Variants in MYT1L observed in about 807,000 individuals in gnomAD.
MYT1L encodes the protein myelin transcription factor 1 like.
MYT1L carries 12 observed loss-of-function variants against 126.7 expected under a neutral mutation model. The observed-to-expected ratio is 0.09, with a 90% CI of 0.06 to 0.15. MYT1L has a LOEUF of 0.15. Ranked by LOEUF, MYT1L falls within the 10% of genes least tolerant of loss-of-function variation. The pLI is 1.00. For missense variants in MYT1L, 979 were observed against 1,585.2 expected (o/e 0.62, Z 6.49); for synonymous variants, 541 against 604.2 (o/e 0.90, Z 1.53).
rs989887610 is a variant in MYT1L, at chr2:1,892,166, G to A, written c.2154C>T (p.Ser718=). 1.1e-5 allele frequency: 17 copies of A among 1,549,076 alleles called. No individual in the cohort carries two copies. The highest frequency in any genetic ancestry group is 3.3e-4 in the Middle Eastern group (2 of 6,010). The change falls in exon 15 of 25, where the codon AGC becomes AGT. Residue 718 remains serine (S), a synonymous_variant. Coordinates refer to ENST00000647738, the MANE Select transcript of MYT1L (RefSeq NM_001303052.2). The part of the protein sequence containing the change: ...GSSASSTCSK[S]SFDYTHDMEA... The stretch of plus-strand genomic sequence containing the variant: ...CCATGTCGTGCGTGTAGTCGAAGCT[G>A]CTCTTGCTGCACGTGCTGCTGGCGC...
At chr2:2,049,867 T>C (rs1329242496) in intron 4 of MYT1L, among the ~76,000 whole-genome samples, 2 of 152,180 alleles carry the variant, frequency 1.3e-5, no homozygotes, top group Admixed American at 6.5e-5. Context: ...GAACTGTGAG[T>C]CCATTAAACC....
chr2:2,156,939 C>T (rs559185909), intron 3 of MYT1L, among the ~76,000 whole-genome samples: 3 of 152,288 alleles, frequency 2.0e-5, no homozygotes, highest in East Asian at 3.9e-4. Flanking sequence ...GAAAACAAAG[C>T]TGTTTTTGTT....
At chr2:2,081,453 T>C (rs2075815755) in intron 3 of MYT1L, among the ~76,000 whole-genome samples, 1 of 152,222 alleles carries the variant, frequency 6.6e-6, no homozygotes, top group Admixed American at 6.5e-5. Flanking sequence ...GATATGACTA[T>C]TAAGGGACTC....
intron 4 of MYT1L, among the ~76,000 whole-genome samples, chr2:2,023,322 C>G (rs891053971): frequency 6.6e-6 from 1 of 152,202 alleles, no homozygotes; most frequent in Non-Finnish European, 1.5e-5. Context: ...CTCAGCTGTG[C>G]ACAGAATGTC....
chr2:1,861,005 GCACA>G (rs1392762572), intron 18 of MYT1L, among the ~76,000 whole-genome samples: 8 of 152,008 alleles, frequency 5.3e-5, no homozygotes, highest in African/African-American at 1.7e-4. Context: ...ACACACTTGT[GCACA>G]CACACTCACT....
chr2:1,854,901 G>A (rs2043715061), intron 18 of MYT1L, among the ~76,000 whole-genome samples: 1 of 152,158 alleles, frequency 6.6e-6, no homozygotes, highest in African/African-American at 2.4e-5. Context: ...GTCCTCACTA[G>A]CGCCCAGAGC....
chr2:1,958,170 T>C lies in MYT1L; in HGVS notation c.153-14836A>G, dbSNP rs116938179. On this transcript the variant is annotated intron_variant, in intron 8 of 24. Transcript: ENST00000647738. Reference sequence around the variant, plus strand: ...GAAATGCAATATTGCTTCCTTCATGTCTGCGCAGAAAACTTGCTGAGGGAG... The same window carrying C: ...GAAATGCAATATTGCTTCCTTCATGCCTGCGCAGAAAACTTGCTGAGGGAG... Among the ~76,000 whole-genome samples the C allele has an allele frequency of 1.6e-3, 241 of 152,280 alleles. 5 individuals are homozygous for C. The East Asian group carries it at 0.032, about 20-fold the overall frequency.
At chr2:2,101,519 A>G (rs545282083) in intron 3 of MYT1L, among the ~76,000 whole-genome samples, 134 of 152,156 alleles carry the variant, frequency 8.8e-4, no homozygotes, top group African/African-American at 3.2e-3. Flanking sequence ...ACATCCATCT[A>G]TCCACTCAGC....
intron 2 of MYT1L, among the ~76,000 whole-genome samples, chr2:2,204,197 A>T (rs1294101073): frequency 6.6e-6 from 1 of 152,220 alleles, no homozygotes; most frequent in Non-Finnish European, 1.5e-5. Context: ...GGACATAGGC[A>T]TGGGCAAGGA....
intron 1 of MYT1L, among the ~76,000 whole-genome samples, chr2:2,313,699 T>C (rs991120231): frequency 6.6e-6 from 1 of 152,142 alleles, no homozygotes; most frequent in African/African-American, 2.4e-5. Context: ...GGTCTTCTCC[T>C]AAAAAATTTA....
intron 18 of MYT1L, among the ~76,000 whole-genome samples, chr2:1,868,113 T>C (rs2045834150): frequency 6.6e-6 from 1 of 152,050 alleles, no homozygotes; most frequent in Non-Finnish European, 1.5e-5. Flanking sequence ...ACTACAGGCG[T>C]GCACCACCAT....
rs560563001 is a variant in MYT1L, at chr2:1,911,073, G to A, written c.1710-726C>T. On this transcript the variant is annotated intron_variant, in intron 12 of 24. Coordinates refer to ENST00000647738, the MANE Select transcript of MYT1L (RefSeq NM_001303052.2). ...TATATGTGTCATATCCCAAAAATAC[G>A]CCTGTGCTGAGGTTTGACGGAGGCC... Among the ~76,000 whole-genome samples the A allele has an allele frequency of 1.8e-4, 28 of 152,200 alleles. No homozygotes were observed. In the South Asian group the frequency reaches 5.0e-3, roughly 27 times the overall value.
chr2:2,018,808 G>A (rs2064715653), intron 4 of MYT1L, among the ~76,000 whole-genome samples: 1 of 152,086 alleles, frequency 6.6e-6, no homozygotes, highest in Admixed American at 6.5e-5. Context: ...TGGGAAAGAG[G>A]CCCTGCAGTT....
intron 4 of MYT1L, among the ~76,000 whole-genome samples, chr2:2,010,388 G>T (rs2063714827): frequency 6.6e-6 from 1 of 152,112 alleles, no homozygotes; most frequent in Non-Finnish European, 1.5e-5. Context: ...GTTAAGTTCT[G>T]CTTGGCTATG....
At chr2:1,809,353 T>C (rs977678878) in intron 21 of MYT1L, among the ~76,000 whole-genome samples, 186 bp from the exon 22 acceptor site, 10 of 152,130 alleles carry the variant, frequency 6.6e-5, no homozygotes, top group Non-Finnish European at 1.3e-4. Context: ...ATGGGGTGCA[T>C]GTGTGTGCAC....
At chr2:1,999,313 C>T (rs1243383209) in intron 4 of MYT1L, among the ~76,000 whole-genome samples, 1 of 152,022 alleles carries the variant, frequency 6.6e-6, no homozygotes, top group Non-Finnish European at 1.5e-5. Context: ...TGAATGTGAC[C>T]AGTTAATTTG....
chr2:2,210,214 C>A (rs2093455927), intron 2 of MYT1L, among the ~76,000 whole-genome samples: 1 of 151,992 alleles, frequency 6.6e-6, no homozygotes, highest in Non-Finnish European at 1.5e-5. Context: ...GATAGGTTGA[C>A]TTTTTCCTTT....
intron 2 of MYT1L, among the ~76,000 whole-genome samples, chr2:2,247,722 A>T (rs1257110785): frequency 6.6e-6 from 1 of 152,192 alleles, no homozygotes; most frequent in Non-Finnish European, 1.5e-5. Context: ...ATTAACATGA[A>T]TAATTTTAGA....
chr2:2,122,658 T>C (rs1393459403), intron 3 of MYT1L, among the ~76,000 whole-genome samples: 1 of 152,208 alleles, frequency 6.6e-6, no homozygotes, highest in Non-Finnish European at 1.5e-5. Flanking sequence ...TCTTGGGCCA[T>C]GGGCAAAATT....
Sources: allele counts gnomAD v4.1 joint callset (sites outside exome capture counted in the v4.1 genomes callset), GRCh38; gene constraint gnomAD v4.1.1; transcripts MANE v1.5; gene names NCBI Gene and HGNC (gene_info 2026-07-23, HGNC 2026-07-21).